The following OSBPL9 variants were observed in gnomAD, a reference collection of about 807,000 sequenced individuals.
OSBPL9 encodes the protein oxysterol binding protein like 9.
A neutral mutation model predicts 106.6 loss-of-function variants in OSBPL9; 40 were observed. That is an observed-to-expected ratio of 0.38 (90% CI 0.29 to 0.49). The LOEUF (loss-of-function observed/expected upper bound fraction) is 0.49. Ranked by LOEUF, OSBPL9 falls within the 20% of genes least tolerant of loss-of-function variation. OSBPL9 has a pLI of 0.97. For missense variants in OSBPL9, 609 were observed against 887.2 expected (o/e 0.69, Z 3.98); for synonymous variants, 269 against 295.4 (o/e 0.91, Z 0.92).
intron 21 of OSBPL9, chr1:51,786,302 C>A: frequency 2.1e-6 from 1 of 478,378 alleles, no homozygotes; most frequent in Non-Finnish European, 3.7e-6. Context: ...ACCAGAGATA[C>A]CAAAATGAGT....
the OSBPL9 span, among the ~76,000 whole-genome samples, chr1:51,564,889 G>T: frequency 0.011 from 1,625 of 152,242 alleles, 21 homozygotes; most frequent in African/African-American, 0.037. Context: ...CAGGTGCATG[G>T]TCCTCACCAG....
At chr1:51,740,026 C>T in intron 4 of OSBPL9, 1 of 1,243,524 alleles carries the variant, frequency 8.0e-7, no homozygotes, top group Non-Finnish European at 1.1e-6. Context: ...GCTCATGTAC[C>T]TACTTTTCCT....
In OSBPL9 at chr1:51,700,751, AT is replaced by A. The variant is rs1417917573; in HGVS notation, c.242-13249del. 3.3e-5 allele frequency among the ~76,000 whole-genome samples: 5 copies of A among 152,208 alleles called. No homozygotes were observed. The East Asian group carries it at 9.6e-4, about 29-fold the overall frequency. On this transcript the variant is annotated intron_variant, in intron 3 of 23. Transcript: ENST00000428468. ...CAGATTTTTCCATTGTAAAATTATT[AT>A]TTATTCATTTGGGGGAGATACTTTA...
chr1:51,732,747 C>G (rs148140627), intron 4 of OSBPL9, among the ~76,000 whole-genome samples: 2 of 152,300 alleles, frequency 1.3e-5, no homozygotes, highest in African/African-American at 4.8e-5. Context: ...TCCTTTTTAT[C>G]CAAAAACAAA....
At chr1:51,721,212 A>T (rs1662069221) in intron 4 of OSBPL9, among the ~76,000 whole-genome samples, 1 of 151,364 alleles carries the variant, frequency 6.6e-6, no homozygotes, top group African/African-American at 2.4e-5. Context: ...TACCTTGTAT[A>T]CAAGGTTATA....
At chr1:51,527,562 G>A in the OSBPL9 span, among the ~76,000 whole-genome samples, 4 of 151,816 alleles carry the variant, frequency 2.6e-5, no homozygotes, top group Non-Finnish European at 4.4e-5. Context: ...CCTAGATAAT[G>A]TTTTTATTTT....
At chr1:51,715,150 A>G (rs991643369) in intron 4 of OSBPL9, among the ~76,000 whole-genome samples, 8 of 152,218 alleles carry the variant, frequency 5.3e-5, no homozygotes, top group Non-Finnish European at 8.8e-5. Flanking sequence ...ATAAGGTGAC[A>G]TAGGGTATCT....
chr1:51,614,352 G>C (rs373016694), upstream of OSBPL9: 1 of 151,800 alleles, frequency 6.6e-6, no homozygotes, highest in Admixed American at 6.6e-5. Flanking sequence ...GCAGTGACAT[G>C]ATCTTGGCTC....
intron 1 of OSBPL9, among the ~76,000 whole-genome samples, chr1:51,618,917 A>C (rs1351367269): frequency 6.6e-6 from 1 of 152,202 alleles, no homozygotes; most frequent in East Asian, 1.9e-4. Context: ...GTAAGTTGTG[A>C]GTTACTAAAG....
intron 3 of OSBPL9, among the ~76,000 whole-genome samples, chr1:51,674,003 CTCCT>C (rs1218191183): frequency 6.7e-6 from 1 of 149,686 alleles, no homozygotes; most frequent in Non-Finnish European, 1.5e-5. Flanking sequence ...ATGTTGTCAA[CTCCT>C]TCCTTCCTTC....
intron 8 of OSBPL9, among the ~76,000 whole-genome samples, chr1:51,755,304 A>G (rs56144892): frequency 0.018 from 2,796 of 152,312 alleles, 45 homozygotes; most frequent in Non-Finnish European, 0.029. Context: ...ACAAAATTGT[A>G]CAGCCATCAC....
chr1:51,771,192 A>G (rs1673804856), intron 12 of OSBPL9, among the ~76,000 whole-genome samples: 1 of 152,278 alleles, frequency 6.6e-6, no homozygotes, highest in Non-Finnish European at 1.5e-5. Flanking sequence ...TTATGATTAG[A>G]TTAGAATACA....
At chr1:51,733,343 G>C (rs745672802) in intron 4 of OSBPL9, among the ~76,000 whole-genome samples, 1 of 152,192 alleles carries the variant, frequency 6.6e-6, no homozygotes, top group Non-Finnish European at 1.5e-5. Context: ...TAGCTTAAGT[G>C]TGTAAACCTT....
chr1:51,678,124 A>G (rs534527588), intron 3 of OSBPL9, among the ~76,000 whole-genome samples: 3 of 152,288 alleles, frequency 2.0e-5, no homozygotes, highest in Non-Finnish European at 2.9e-5. Context: ...TTAAGGCTGC[A>G]GTGAGCTAGG....
chr1:51,725,810 G>A (rs958718813), intron 4 of OSBPL9, among the ~76,000 whole-genome samples: 9 of 151,988 alleles, frequency 5.9e-5, no homozygotes, highest in African/African-American at 2.2e-4. Flanking sequence ...CAAAACTGTG[G>A]TTCTCCCCCC....
Position 51,787,340 on chromosome 1 carries a change from C to T in OSBPL9, c.2001-13C>T, listed in dbSNP as rs749884619. ...TCTCAACATTGGCAGCTCCTCTTAC[C>T]TCTTTGTTTTAGCCTTTGGAAGGAT... On this transcript the variant is annotated splice_polypyrimidine_tract_variant and intron_variant, in intron 22 of 23. Transcript: ENST00000428468. 2 of 1,612,702 alleles carry T rather than the reference C, an allele frequency of 1.2e-6. No individual in the cohort carries two copies.
At chr1:51,630,032 A>C (rs1199451775) in intron 1 of OSBPL9, among the ~76,000 whole-genome samples, 1 of 152,068 alleles carries the variant, frequency 6.6e-6, no homozygotes, top group Non-Finnish European at 1.5e-5. Flanking sequence ...ACAGTAATTT[A>C]TATACCCTTT....
chr1:51,652,690 G>C lies in OSBPL9; in HGVS notation c.162+649G>C, dbSNP rs184370145. Among the ~76,000 whole-genome samples the C allele has an allele frequency of 3.9e-5, 6 of 152,228 alleles. No individual in the cohort carries two copies. The East Asian group carries it at 1.2e-3, about 29-fold the overall frequency. On this transcript the variant is annotated intron_variant, in intron 2 of 23. Coordinates refer to ENST00000428468, the MANE Select transcript of OSBPL9 (RefSeq NM_024586.6). Reference sequence around the variant, plus strand: ...TTACACAAAGGGTACATCTCAATTAGGACTAGCTGTACTTCAGAGAAGGGG... The same window carrying C: ...TTACACAAAGGGTACATCTCAATTACGACTAGCTGTACTTCAGAGAAGGGG...
intron 9 of OSBPL9, chr1:51,760,014 C>T (rs932564142): frequency 2.0e-5 from 3 of 152,116 alleles, no homozygotes; most frequent in Non-Finnish European, 4.4e-5. Flanking sequence ...ATACTGTTTT[C>T]CTTGTCATGA....
Sources: allele counts gnomAD v4.1 joint callset (sites outside exome capture counted in the v4.1 genomes callset), GRCh38; gene constraint gnomAD v4.1.1; transcripts MANE v1.5; gene names NCBI Gene and HGNC (gene_info 2026-07-23, HGNC 2026-07-21).